The following MMS22L variants were observed in gnomAD, a reference collection of about 807,000 sequenced individuals.
MMS22L encodes the protein protein MMS22-like.
In MMS22L, 74 loss-of-function variants were observed where a neutral mutation model predicts 159.1. That is an observed-to-expected ratio of 0.47 (90% CI 0.39 to 0.56). The LOEUF is 0.56. Among genes scored for constraint, MMS22L ranks in the 20% least tolerant of loss-of-function variants. The pLI is 0.00. For synonymous variants in MMS22L, 517 were observed against 506.9 expected, an observed-to-expected ratio of 1.02 and a Z score of -0.27; for missense variants, 1,351 against 1,422.1, an observed-to-expected ratio of 0.95 and a Z score of 0.80.
intron 11 of MMS22L, among the ~76,000 whole-genome samples, chr6:97,235,566 C>T (rs1187571554): frequency 6.6e-6 from 1 of 151,992 alleles, no homozygotes; most frequent in Non-Finnish European, 1.5e-5. Flanking sequence ...AGAAGTACTT[C>T]AGAAAAACGA....
In MMS22L at chr6:97,282,455, G is replaced by A. The variant is rs1427778566; in HGVS notation, c.23C>T (p.Ser8Leu). The change falls in exon 2 of 25, where the codon TCG becomes TTG. Residue 8 changes from serine (S) to leucine (L), a missense_variant. By Grantham distance (145) the Ser-to-Leu change is moderately radical (BLOSUM62 -2). Coordinates refer to ENST00000683635, the MANE Select transcript of MMS22L (RefSeq NM_001350599.2). ...CTCTAAGCTGTCAGTCAGGAACGTC[G>A]ATGCAGCAGAACAGTTCTCCATTGT... MENCSAA[S>L]TFLTDSLELE... is the part of the protein sequence containing the mutation. 2 of 1,612,962 alleles carry A rather than the reference G, an allele frequency of 1.2e-6. No homozygotes were observed. The highest frequency in any genetic ancestry group is 2.2e-5 in the East Asian group (1 of 44,798).
intron 14 of MMS22L, among the ~76,000 whole-genome samples, chr6:97,227,082 T>G (rs1274510726): frequency 6.6e-6 from 1 of 151,954 alleles, no homozygotes; most frequent in Non-Finnish European, 1.5e-5. Context: ...ACACAAACAA[T>G]ATAAAGATAA....
chr6:97,236,326 A>C (rs866012546), intron 11 of MMS22L, among the ~76,000 whole-genome samples: 299 of 144,904 alleles, frequency 2.1e-3, no homozygotes, highest in Non-Finnish European at 3.4e-3. Flanking sequence ...CTTTCTCCAA[A>C]AAAAAAAAAA....
At chr6:97,182,233 T>C (rs558759002) in intron 15 of MMS22L, among the ~76,000 whole-genome samples, 179 bp from the exon 16 acceptor site, 4 of 152,110 alleles carry the variant, frequency 2.6e-5, no homozygotes, top group African/African-American at 9.6e-5. Context: ...CATGTTGTCA[T>C]AGAAATTTCT....
chr6:97,157,819 T>A (rs1404105480), intron 22 of MMS22L, among the ~76,000 whole-genome samples: 1 of 152,200 alleles, frequency 6.6e-6, no homozygotes, highest in Non-Finnish European at 1.5e-5. Flanking sequence ...AGTATCAGGA[T>A]GATGCTGGCT....
intron 20 of MMS22L, 74 bp downstream of exon 20, chr6:97,167,997 T>C: frequency 1.6e-6 from 2 of 1,247,302 alleles, no homozygotes; most frequent in Non-Finnish European, 2.2e-6. Context: ...AAATCTGCAT[T>C]TAGTAAACTA....
In MMS22L at chr6:97,228,983, A is replaced by C; in HGVS notation, c.1950T>G (p.Asn650Lys). Residue 650 changes from asparagine (N) to lysine (K), a missense_variant, in exon 14 of 25, where the codon AAT becomes AAG. Asn to Lys is a moderately conservative substitution (Grantham distance 94). Transcript: ENST00000683635. ...CLYPSHEKLLNDGFSMLLRAC... is the reference protein window; with the variant it reads ...CLYPSHEKLLKDGFSMLLRAC... ...CTCGCAGAAGCATACTAAATCCATC[A>C]TTAAGCAGTTTTTCATGGGAAGGAT... The C allele has an allele frequency of 6.2e-7, 1 of 1,614,158 alleles. No individual in the cohort carries two copies. Among genetic ancestry groups the C allele is most frequent in the South Asian group, 1.1e-5 (1 of 91,080 alleles).
chr6:97,180,909 C>T (rs1260849911), intron 16 of MMS22L, among the ~76,000 whole-genome samples: 4 of 152,282 alleles, frequency 2.6e-5, no homozygotes, highest in Admixed American at 2.6e-4. Context: ...AACTACATCT[C>T]TCTTCATTTC....
At chr6:97,234,507 G>T (rs1437180495) in intron 11 of MMS22L, among the ~76,000 whole-genome samples, 1 of 152,086 alleles carries the variant, frequency 6.6e-6, no homozygotes, top group Non-Finnish European at 1.5e-5. Flanking sequence ...TTTCTATGAC[G>T]ATATAACCAT....
At chr6:97,202,477 A>T (rs1401353043) in intron 14 of MMS22L, among the ~76,000 whole-genome samples, 1 of 152,186 alleles carries the variant, frequency 6.6e-6, no homozygotes, top group Non-Finnish European at 1.5e-5. Context: ...CTATGCATAT[A>T]ATCTTCAATG....
intron 9 of MMS22L, among the ~76,000 whole-genome samples, chr6:97,257,375 G>A (rs963073951): frequency 3.3e-5 from 5 of 152,084 alleles, no homozygotes; most frequent in South Asian, 2.1e-4. Flanking sequence ...ATCTGTAAGC[G>A]TTCCTCAGAC....
chr6:97,157,529 G>T (rs1801987050), intron 22 of MMS22L, among the ~76,000 whole-genome samples: 2 of 152,176 alleles, frequency 1.3e-5, no homozygotes, highest in Admixed American at 6.5e-5. Flanking sequence ...TTAGCATGAA[G>T]TACTGTTGAA....
intron 7 of MMS22L, 90 bp downstream of exon 7, chr6:97,269,812 A>G: frequency 2.3e-6 from 2 of 876,596 alleles, no homozygotes; most frequent in East Asian, 2.8e-5. Flanking sequence ...TTTTTTTTAA[A>G]TATCAGAAAG....
chr6:97,202,984 C>G (rs1434575985), intron 14 of MMS22L, among the ~76,000 whole-genome samples: 1 of 151,932 alleles, frequency 6.6e-6, no homozygotes, highest in Admixed American at 6.6e-5. Flanking sequence ...ATTTTGTTTG[C>G]CACATCAAAA....
chr6:97,171,279 T>C (rs980379836), intron 19 of MMS22L, among the ~76,000 whole-genome samples: 5 of 152,124 alleles, frequency 3.3e-5, no homozygotes, highest in African/African-American at 1.2e-4. Flanking sequence ...AGTACACAAG[T>C]AATTTTAACA....
rs1801733102 is a variant in MMS22L at position 97,155,419 on chromosome 6, T to G, written c.3386-3552A>C. 2.6e-5 allele frequency among the ~76,000 whole-genome samples: 4 copies of G among 152,154 alleles called. No homozygotes were observed. The South Asian group carries it at 8.3e-4, about 31-fold the overall frequency. ...ATGTTGGTTTGCTGCACCCATTAACTTGTCATTTACATTAGGCATTTCTCC... is the reference window on the plus strand; with the variant it reads ...ATGTTGGTTTGCTGCACCCATTAACGTGTCATTTACATTAGGCATTTCTCC... On this transcript the variant is annotated intron_variant, in intron 22 of 24. Coordinates refer to ENST00000683635, the MANE Select transcript of MMS22L (RefSeq NM_001350599.2).
intron 14 of MMS22L, among the ~76,000 whole-genome samples, chr6:97,202,777 C>A (rs1363252745): frequency 1.3e-5 from 2 of 151,944 alleles, no homozygotes; most frequent in Non-Finnish European, 2.9e-5. Flanking sequence ...TAAAAGAGTA[C>A]CTAATAGTAA....
intron 14 of MMS22L, among the ~76,000 whole-genome samples, chr6:97,226,902 C>G (rs1385579287): frequency 6.6e-6 from 1 of 152,038 alleles, no homozygotes; most frequent in Non-Finnish European, 1.5e-5. Context: ...TGCTGTCCCC[C>G]TAGTTGTGAC....
intron 19 of MMS22L, among the ~76,000 whole-genome samples, chr6:97,168,638 A>G (rs1803225873): frequency 6.6e-6 from 1 of 152,110 alleles, no homozygotes; most frequent in Non-Finnish European, 1.5e-5. Context: ...CTGGTTAAGT[A>G]TACTACAAGT....
Sources: allele counts gnomAD v4.1 joint callset (sites outside exome capture counted in the v4.1 genomes callset), GRCh38; gene constraint gnomAD v4.1.1; transcripts MANE v1.5; gene names NCBI Gene and HGNC (gene_info 2026-07-23, HGNC 2026-07-21).